STX3: variants seen among roughly 807,000 people sequenced by gnomAD.
STX3 encodes syntaxin-3.
STX3 carries 19 observed loss-of-function variants against 40.2 expected under a neutral mutation model. The ratio of observed to expected loss-of-function variants is 0.47; its 90% CI spans 0.33 to 0.69. The LOEUF (loss-of-function observed/expected upper bound fraction) is 0.69, where lower values mean the gene tolerates loss of function less well. STX3 is among the 30% of genes least tolerant of loss of function. The pLI is 0.02. For synonymous variants in STX3, 122 were observed against 132.2 expected, an observed-to-expected ratio of 0.92 and a Z score of 0.53; for missense variants, 364 against 366.7, an observed-to-expected ratio of 0.99 and a Z score of 0.06.
chr11:59,781,428 T>C, intron 2 of STX3: 2 of 1,610,122 alleles, frequency 1.2e-6, no homozygotes, highest in South Asian at 2.2e-5. Flanking sequence ...ATCCCACTCC[T>C]GATGCTGAAC....
intron 1 of STX3, among the ~76,000 whole-genome samples, chr11:59,769,868 G>GT (rs1863488465): frequency 2.7e-5 from 4 of 148,618 alleles, no homozygotes; most frequent in African/African-American, 9.9e-5. Flanking sequence ...GTGTTTGTGT[G>GT]GGGGGGGAAG....
At chr11:59,795,862 T>C (rs931910818) in intron 9 of STX3, 4 of 689,172 alleles carry the variant, frequency 5.8e-6, no homozygotes, top group African/African-American at 1.8e-5. Context: ...AGAGACAAGC[T>C]GCCTGCCCTT....
intron 5 of STX3, among the ~76,000 whole-genome samples, chr11:59,791,561 A>T (rs777777848): frequency 5.9e-5 from 9 of 152,140 alleles, no homozygotes; most frequent in Admixed American, 1.3e-4. Context: ...AAAAGTATAT[A>T]TATTGGCGAT....
At chr11:59,774,136 G>A (rs751551369) in intron 2 of STX3, among the ~76,000 whole-genome samples, 1 of 152,094 alleles carries the variant, frequency 6.6e-6, no homozygotes, top group Admixed American at 6.5e-5. Flanking sequence ...GTCCTCAATG[G>A]GATGGTACTA....
chr11:59,800,742 CAT>C, intron 10 of STX3, 111 bp from the exon 11 acceptor site: 2 of 1,517,420 alleles, frequency 1.3e-6, no homozygotes, highest in Non-Finnish European at 1.8e-6. Flanking sequence ...TTGTCTATTT[CAT>C]AGTGATTTCT....
chr11:59,755,593 C>CTG lies in STX3; in HGVS notation c.-13_-12insTG. 1 of 1,593,394 alleles carries CTG rather than the reference C, an allele frequency of 6.3e-7. No individual in the cohort carries two copies. The highest frequency in any genetic ancestry group is 8.5e-7 in the Non-Finnish European group (1 of 1,176,258). ...GGGACGCGCTACCTGCCTCCGGGCG[C>CTG]CTGGGCTTCAGGATGAAGGACCGTC... On this transcript the variant is annotated 5_prime_UTR_variant, in exon 1 of 11. Coordinates refer to ENST00000337979, the MANE Select transcript of STX3 (RefSeq NM_004177.5).
intron 1 of STX3, among the ~76,000 whole-genome samples, chr11:59,769,341 C>A (rs957516542): frequency 2.6e-5 from 4 of 152,074 alleles, no homozygotes; most frequent in African/African-American, 9.7e-5. Context: ...CATGTAGACC[C>A]ACATCTTTTC....
At chr11:59,757,058 A>T (rs1862754091) in intron 1 of STX3, among the ~76,000 whole-genome samples, 1 of 152,212 alleles carries the variant, frequency 6.6e-6, no homozygotes, top group African/African-American at 2.4e-5. Flanking sequence ...TCTCTGCCTC[A>T]GGCTTGTGCT....
rs1590807746 is a variant in STX3, at chr11:59,787,268, C to A, written c.214+132C>A. 4 of 678,176 alleles carry A rather than the reference C, an allele frequency of 5.9e-6. No individual in the cohort carries two copies. In the South Asian group the frequency reaches 6.2e-5, roughly 10 times the overall value. 42.0% of individuals were successfully genotyped at this position (678,176 alleles called of 1,614,324 possible). A position where few individuals can be genotyped will look rare whatever the true frequency, so the allele number is the denominator to read the frequency against. ...CAGGGCACTAGTGTACATATTATCT[C>A]ATTTCCCTCCCCTTTACCTTACCTG... is the stretch of plus-strand genomic sequence containing the variant. On this transcript the variant is annotated intron_variant, in intron 3 of 10. Coordinates refer to ENST00000337979, the MANE Select transcript of STX3 (RefSeq NM_004177.5).
chr11:59,764,391 G>C (rs1000128950), intron 1 of STX3, among the ~76,000 whole-genome samples: 3 of 152,154 alleles, frequency 2.0e-5, no homozygotes, highest in African/African-American at 7.2e-5. Flanking sequence ...GATTATTCTT[G>C]TCATGTCACA....
intron 2 of STX3, among the ~76,000 whole-genome samples, chr11:59,785,077 T>C (rs984298736): frequency 2.0e-5 from 3 of 152,216 alleles, no homozygotes; most frequent in Non-Finnish European, 4.4e-5. Context: ...TCCAGTCTTA[T>C]AGGTTGCTTT....
At position 59,797,339 on chromosome 11, in the gene STX3, T is replaced by C; in HGVS notation, c.843T>C (p.Ile281=). 6.2e-7 allele frequency: 1 copy of C among 1,614,150 alleles called. No homozygotes were observed. The highest frequency in any genetic ancestry group is 8.5e-7 in the Non-Finnish European group (1 of 1,180,022). ...VVVLLGILAL[I]IGLSVGLN ...TGTTGCTGGGCATTTTAGCATTGAT[T>C]ATTGGACTTTCCGTTGGGCTGAATT... Residue 281 remains isoleucine (I), a synonymous_variant, in exon 10 of 11, where the codon ATT becomes ATC. Transcript: ENST00000337979.
chr11:59,763,056 G>A (rs893472179), intron 1 of STX3, among the ~76,000 whole-genome samples: 1 of 152,186 alleles, frequency 6.6e-6, no homozygotes, highest in Non-Finnish European at 1.5e-5. Flanking sequence ...CTGTCCTCAC[G>A]TGTCATGTGG....
intron 1 of STX3, 36 bp downstream of exon 1, chr11:59,755,671 G>T (rs1265359471): frequency 6.3e-7 from 1 of 1,587,200 alleles, no homozygotes; most frequent in South Asian, 1.1e-5. Context: ...TGCCAGGAGG[G>T]GTGCTGCATG....
intron 2 of STX3, among the ~76,000 whole-genome samples, chr11:59,780,776 G>A (rs927576121): frequency 7.2e-5 from 11 of 152,068 alleles, no homozygotes; most frequent in African/African-American, 2.4e-4. Flanking sequence ...GCTTCTTGAC[G>A]CTTCCATCCC....
At position 59,781,211 on chromosome 11, in the gene STX3, AGT is replaced by A. The variant is rs1175401596; in HGVS notation, c.115-5825_115-5824del. The A allele has an allele frequency of 6.6e-3, 4,989 of 752,870 alleles. 200 individuals are homozygous for A. In the African/African-American group the frequency reaches 0.081, roughly 12 times the overall value. The allele number at this position is 752,870 out of a possible 1,614,324, so 46.6% of individuals were successfully genotyped here. A position where few individuals can be genotyped will look rare whatever the true frequency, so the allele number is the denominator to read the frequency against. ...GTTTATGATAAAGATAATTGAACAC[AGT>A]AATGAAAAAAAAAAGAAAGAAACAG... is the stretch of plus-strand genomic sequence containing the variant. On this transcript the variant is annotated intron_variant, in intron 2 of 10. Coordinates refer to ENST00000337979, the MANE Select transcript of STX3 (RefSeq NM_004177.5).
At chr11:59,798,658 T>G (rs1865680027) in intron 10 of STX3, among the ~76,000 whole-genome samples, 1 of 151,760 alleles carries the variant, frequency 6.6e-6, no homozygotes, top group Non-Finnish European at 1.5e-5. Context: ...TAGCTGGGAT[T>G]ATAGGTGCCT....
chr11:59,763,153 C>T (rs557017365), intron 1 of STX3, among the ~76,000 whole-genome samples: 2 of 152,286 alleles, frequency 1.3e-5, no homozygotes, highest in East Asian at 1.9e-4. Context: ...GAATCTGTTA[C>T]TTTGCATGGA....
chr11:59,767,867 A>C (rs909689580), intron 1 of STX3, among the ~76,000 whole-genome samples: 1 of 152,106 alleles, frequency 6.6e-6, no homozygotes, highest in African/African-American at 2.4e-5. Context: ...CCAGAATTCA[A>C]CCTCAACGTT....
Sources: gnomAD v4.1 joint callset for allele counts (sites outside exome capture counted in the v4.1 genomes callset) on GRCh38, gnomAD v4.1.1 for gene constraint, MANE v1.5 for transcripts, NCBI Gene and HGNC (gene_info 2026-07-23, HGNC 2026-07-21) for gene names.